GRID1: variants seen among roughly 807,000 people sequenced by gnomAD.
GRID1 encodes the protein glutamate ionotropic receptor delta type subunit 1.
A neutral mutation model predicts 98.0 loss-of-function variants in GRID1; 28 were observed. That is an observed-to-expected ratio of 0.29 (90% CI 0.21 to 0.39). GRID1 has a LOEUF of 0.39. Among genes scored for constraint, GRID1 ranks in the 10% least tolerant of loss-of-function variants. GRID1 has a pLI of 1.00. For missense variants in GRID1, 1,111 were observed against 1,340.5 expected (o/e 0.83, Z 2.67); for synonymous variants, 553 against 538.5 (o/e 1.03, Z -0.37).
intron 2 of GRID1, among the ~76,000 whole-genome samples, chr10:86,331,842 G>C (rs1332634484): frequency 6.6e-6 from 1 of 152,104 alleles, no homozygotes. Flanking sequence ...CAAAGCCACT[G>C]CCTATTCTCC....
intron 2 of GRID1, among the ~76,000 whole-genome samples, chr10:86,317,643 TG>T (rs1564737308): frequency 1.3e-5 from 2 of 152,160 alleles, no homozygotes; most frequent in African/African-American, 4.8e-5. Context: ...CCAGTGCTTC[TG>T]GCTGGGCCAT....
rs77214187 is a variant in GRID1, at chr10:86,068,782, A to G, written c.726+70037T>C. On this transcript the variant is annotated intron_variant, in intron 4 of 15. Transcript: ENST00000327946. ...TAAGAAGGCAGATAGCCTCACTCCAATCAAAACAAAACCAACAGTGAAATG... is the reference window on the plus strand; with the variant it reads ...TAAGAAGGCAGATAGCCTCACTCCAGTCAAAACAAAACCAACAGTGAAATG... Among the ~76,000 whole-genome samples the G allele has an allele frequency of 7.9e-3, 1,207 of 152,298 alleles. 38 individuals are homozygous for G. Among genetic ancestry groups the G allele is most frequent in the Admixed American group, 0.049 (751 of 15,294 alleles).
intron 12 of GRID1, among the ~76,000 whole-genome samples, chr10:85,697,348 C>T (rs566064700): frequency 6.6e-6 from 1 of 152,002 alleles, no homozygotes; most frequent in East Asian, 1.9e-4. Flanking sequence ...GAATTTGTTC[C>T]TTTTATTATT....
chr10:86,250,048 G>A (rs72841800), intron 2 of GRID1, among the ~76,000 whole-genome samples: 1,908 of 152,152 alleles, frequency 0.013, 19 homozygotes, highest in Non-Finnish European at 0.018. Context: ...TGGGTGAATG[G>A]ATGGATGTGT....
intron 2 of GRID1, among the ~76,000 whole-genome samples, chr10:86,242,612 G>A (rs1846656110): frequency 6.6e-6 from 1 of 152,166 alleles, no homozygotes; most frequent in South Asian, 2.1e-4. Context: ...AGGGGCTAAG[G>A]CCATATAGGA....
At chr10:86,234,038 C>T (rs571259705) in intron 2 of GRID1, among the ~76,000 whole-genome samples, 130 of 152,086 alleles carry the variant, frequency 8.5e-4, no homozygotes, top group Non-Finnish European at 1.4e-3. Flanking sequence ...AGTTGCTGTC[C>T]CCTCTCTGTG....
At chr10:86,305,978 G>T (rs58279106) in intron 2 of GRID1, among the ~76,000 whole-genome samples, 1 of 151,980 alleles carries the variant, frequency 6.6e-6, no homozygotes, top group Non-Finnish European at 1.5e-5. Context: ...GCCCAATTCC[G>T]CCCACCATAA....
intron 4 of GRID1, among the ~76,000 whole-genome samples, chr10:86,023,048 G>A (rs1843070581): frequency 2.6e-5 from 4 of 152,028 alleles, no homozygotes; most frequent in Non-Finnish European, 4.4e-5. Flanking sequence ...TGGGCAGAGC[G>A]ACTGCAGCTC....
intron 4 of GRID1, among the ~76,000 whole-genome samples, chr10:85,984,264 C>G (rs1027258836): frequency 2.6e-5 from 4 of 152,176 alleles, no homozygotes; most frequent in Non-Finnish European, 5.9e-5. Context: ...AGACCTGGAA[C>G]CACTCAACAT....
intron 12 of GRID1, among the ~76,000 whole-genome samples, chr10:85,691,296 G>T (rs1305518147): frequency 6.6e-6 from 1 of 152,104 alleles, no homozygotes; most frequent in Non-Finnish European, 1.5e-5. Context: ...CATAACTTTT[G>T]TTTTCTTTAG....
intron 4 of GRID1, among the ~76,000 whole-genome samples, chr10:86,114,923 T>C (rs1844550967): frequency 6.6e-6 from 1 of 152,210 alleles, no homozygotes; most frequent in African/African-American, 2.4e-5. Context: ...TCAGCAGGGA[T>C]GTAGTGACAG....
At chr10:86,222,091 G>C (rs1846263895) in intron 2 of GRID1, among the ~76,000 whole-genome samples, 1 of 152,312 alleles carries the variant, frequency 6.6e-6, no homozygotes, top group Middle Eastern at 3.4e-3. Flanking sequence ...ACTAGGGAAG[G>C]GCACCTACCA....
At chr10:86,330,215 G>A (rs565444401) in intron 2 of GRID1, among the ~76,000 whole-genome samples, 37 of 152,162 alleles carry the variant, frequency 2.4e-4, no homozygotes, top group African/African-American at 7.7e-4. Context: ...TTCCCATCTC[G>A]GGGGTGGTTC....
chr10:85,913,968 G>T (rs2131822989), intron 5 of GRID1, among the ~76,000 whole-genome samples: 1 of 152,256 alleles, frequency 6.6e-6, no homozygotes, highest in South Asian at 2.1e-4. Flanking sequence ...CTGGCACAGG[G>T]TACACTGCTG....
At chr10:86,174,077 T>A (rs1467985211) in intron 3 of GRID1, among the ~76,000 whole-genome samples, 1 of 152,192 alleles carries the variant, frequency 6.6e-6, no homozygotes, top group Non-Finnish European at 1.5e-5. Flanking sequence ...CTTATAGTCC[T>A]TTGGGTATAT....
chr10:85,692,047 G>T (rs1286240357), intron 12 of GRID1, among the ~76,000 whole-genome samples: 1 of 152,066 alleles, frequency 6.6e-6, no homozygotes, highest in Non-Finnish European at 1.5e-5. Flanking sequence ...CCTTCTTGGT[G>T]GTTTCGTCAG....
At chr10:86,260,635 C>T (rs1228333041) in intron 2 of GRID1, among the ~76,000 whole-genome samples, 2 of 152,274 alleles carry the variant, frequency 1.3e-5, no homozygotes, top group Non-Finnish European at 2.9e-5. Flanking sequence ...GCTGGGCCAT[C>T]GGAATGAGTA....
At chr10:85,794,260 G>C (rs1490476090) in intron 8 of GRID1, among the ~76,000 whole-genome samples, 1 of 152,144 alleles carries the variant, frequency 6.6e-6, no homozygotes, top group African/African-American at 2.4e-5. Flanking sequence ...CATTTTAGCT[G>C]CTTAATATGA....
chr10:86,227,493 C>T (rs532163097), intron 2 of GRID1, among the ~76,000 whole-genome samples: 21 of 152,342 alleles, frequency 1.4e-4, no homozygotes, highest in Non-Finnish European at 2.2e-4. Flanking sequence ...AAAACCCACA[C>T]CTGCTTAAGA....
Sources: gnomAD v4.1 joint callset for allele counts (sites outside exome capture counted in the v4.1 genomes callset) on GRCh38, gnomAD v4.1.1 for gene constraint, MANE v1.5 for transcripts, NCBI Gene and HGNC (gene_info 2026-07-23, HGNC 2026-07-21) for gene names.